Variants in DLG2 observed in about 807,000 individuals in gnomAD.
DLG2 encodes discs large MAGUK scaffold protein 2.
In DLG2, 45 loss-of-function variants were observed where a neutral mutation model predicts 132.5. The ratio of observed to expected loss-of-function variants is 0.34; its 90% confidence interval spans 0.27 to 0.44. The LOEUF (loss-of-function observed/expected upper bound fraction) is 0.44, where lower values mean the gene tolerates loss of function less well. Among genes scored for constraint, DLG2 ranks in the 20% least tolerant of loss-of-function variants. DLG2 has a pLI of 1.00. For missense variants in DLG2, 1,045 were observed against 1,196.9 expected, an observed-to-expected ratio of 0.87 and a Z score of 1.87; for synonymous variants, 424 against 419.6, an observed-to-expected ratio of 1.01 and a Z score of -0.13.
chr11:85,611,091 G>C (rs543020755), intron 2 of DLG2, among the ~76,000 whole-genome samples: 1 of 152,246 alleles, frequency 6.6e-6, no homozygotes, highest in African/African-American at 2.4e-5. Flanking sequence ...GAGACAGCAG[G>C]GATAGCTCTT....
rs910908724 is a variant in DLG2 at position 83,754,464 on chromosome 11, A to C, written c.1825+32226T>G. Among the ~76,000 whole-genome samples, 8 of 151,446 alleles carry C rather than the reference A, an allele frequency of 5.3e-5. 1 individual carries two copies. Among genetic ancestry groups the C allele is most frequent in the African/African-American group, 2.0e-4 (8 of 40,734 alleles). On this transcript the variant is annotated intron_variant, in intron 18 of 27. Transcript: ENST00000376104. Reference sequence around the variant, plus strand: ...CCTATATTTAGGACTCCCATTATGGAGAAGCAGTGCATCATGCTAATTAAA... The same window carrying C: ...CCTATATTTAGGACTCCCATTATGGCGAAGCAGTGCATCATGCTAATTAAA...
rs150191294 is a variant in DLG2, at chr11:85,525,447, A to T, written c.40+73210T>A. Among the ~76,000 whole-genome samples the T allele has an allele frequency of 2.6e-5, 4 of 152,316 alleles. No homozygotes were observed. In the East Asian group the frequency reaches 5.8e-4, roughly 22 times the overall value. ...CTAGCTAGTGTAGTAAAGCATGAAAAAGAAAAATAAAGAATGTAAAGATTT... is the reference window on the plus strand; with the variant it reads ...CTAGCTAGTGTAGTAAAGCATGAAATAGAAAAATAAAGAATGTAAAGATTT... On this transcript the variant is annotated intron_variant, in intron 3 of 27. Coordinates refer to ENST00000376104, the MANE Select transcript of DLG2 (RefSeq NM_001142699.3).
chr11:83,556,562 C>G (rs1225907), intron 19 of DLG2, among the ~76,000 whole-genome samples: 71,799 of 151,698 alleles, frequency 0.47, 17,565 homozygotes, highest in Admixed American at 0.57. Context: ...TGTAGAGATG[C>G]AGTTTTGCCA....
At chr11:85,176,090 C>A (rs1400139368) in intron 4 of DLG2, among the ~76,000 whole-genome samples, 1 of 152,162 alleles carries the variant, frequency 6.6e-6, no homozygotes, top group Non-Finnish European at 1.5e-5. Context: ...TATTGACATT[C>A]TTCACAGAAT....
intron 14 of DLG2, among the ~76,000 whole-genome samples, chr11:83,953,410 C>A (rs184390515): frequency 2.0e-5 from 3 of 152,098 alleles, no homozygotes; most frequent in East Asian, 1.9e-4. Flanking sequence ...ACTGCACATG[C>A]GAAGGATCTA....
At chr11:84,974,449 T>C (rs1249996042) in intron 6 of DLG2, among the ~76,000 whole-genome samples, 1 of 152,198 alleles carries the variant, frequency 6.6e-6, no homozygotes, top group Non-Finnish European at 1.5e-5. Context: ...GCCATAATTA[T>C]AGAGCCTACC....
At chr11:83,717,091 A>T (rs2086876834) in intron 18 of DLG2, among the ~76,000 whole-genome samples, 1 of 152,166 alleles carries the variant, frequency 6.6e-6, no homozygotes, top group Non-Finnish European at 1.5e-5. Context: ...TACTCTACTT[A>T]AACTTCTTCA....
chr11:84,620,788 A>G (rs1294688952), intron 6 of DLG2, among the ~76,000 whole-genome samples: 1 of 152,136 alleles, frequency 6.6e-6, no homozygotes, highest in Non-Finnish European at 1.5e-5. Flanking sequence ...TTAGAAAACA[A>G]TTTGACATGA....
At chr11:85,342,022 T>C (rs1024080087) in intron 3 of DLG2, among the ~76,000 whole-genome samples, 1 of 152,190 alleles carries the variant, frequency 6.6e-6, no homozygotes, top group Non-Finnish European at 1.5e-5. Flanking sequence ...GATGAGTCAA[T>C]GAGTGAGTGG....
chr11:85,030,153 A>T (rs1387392109), intron 6 of DLG2, among the ~76,000 whole-genome samples: 1 of 152,180 alleles, frequency 6.6e-6, no homozygotes, highest in Admixed American at 6.5e-5. Context: ...AATTCAGCTA[A>T]AGTTTTACTT....
rs286037 is a variant in DLG2 at position 85,402,101 on chromosome 11, G to A, written c.41-116736C>T. Among the ~76,000 whole-genome samples, 4 of 152,138 alleles carry A rather than the reference G, an allele frequency of 2.6e-5. No homozygotes were observed. The East Asian group carries it at 7.7e-4, about 29-fold the overall frequency. On this transcript the variant is annotated intron_variant, in intron 3 of 27. Transcript: ENST00000376104. ...ACCTGACTTCAAACTATACTACAAGGCTACAGTAACCAAAACAGCATGGCA... is the reference window on the plus strand; with the variant it reads ...ACCTGACTTCAAACTATACTACAAGACTACAGTAACCAAAACAGCATGGCA...
At chr11:85,130,475 A>C (rs1202960187) in intron 5 of DLG2, among the ~76,000 whole-genome samples, 1 of 152,166 alleles carries the variant, frequency 6.6e-6, no homozygotes, top group Non-Finnish European at 1.5e-5. Flanking sequence ...CAAAAATGCT[A>C]TTACCAATGG....
At chr11:84,578,608 C>G (rs2099508980) in intron 6 of DLG2, among the ~76,000 whole-genome samples, 1 of 152,176 alleles carries the variant, frequency 6.6e-6, no homozygotes, top group Non-Finnish European at 1.5e-5. Context: ...TACCCAATAC[C>G]TGCACTGCCA....
chr11:85,375,289 A>G (rs1217333019), intron 3 of DLG2, among the ~76,000 whole-genome samples: 2 of 152,198 alleles, frequency 1.3e-5, no homozygotes, highest in Non-Finnish European at 2.9e-5. Context: ...ACTATGTTGA[A>G]AACTTTTGAA....
intron 5 of DLG2, among the ~76,000 whole-genome samples, chr11:85,118,795 A>G (rs1230398415): frequency 6.6e-6 from 1 of 152,000 alleles, no homozygotes; most frequent in Non-Finnish European, 1.5e-5. Flanking sequence ...CTTTGGATAA[A>G]TTTCTTAATC....
intron 3 of DLG2, among the ~76,000 whole-genome samples, chr11:85,586,737 G>C (rs2078997102): frequency 6.6e-6 from 1 of 151,910 alleles, no homozygotes; most frequent in Non-Finnish European, 1.5e-5. Flanking sequence ...TTTTCTGTTA[G>C]GTTTGGGTTG....
intron 10 of DLG2, among the ~76,000 whole-genome samples, chr11:84,062,721 G>C (rs1481256100): frequency 7.3e-6 from 1 of 136,964 alleles, no homozygotes; most frequent in African/African-American, 2.7e-5. Flanking sequence ...CAGACACTCA[G>C]AGTTGATTGT....
chr11:83,520,227 T>A (rs1046717420), intron 21 of DLG2, among the ~76,000 whole-genome samples: 9 of 152,224 alleles, frequency 5.9e-5, no homozygotes, highest in Admixed American at 1.3e-4. Context: ...CAAGTGCTTG[T>A]AATAAATTTG....
intron 3 of DLG2, among the ~76,000 whole-genome samples, chr11:85,299,983 A>C (rs1011761799): frequency 6.6e-5 from 10 of 152,238 alleles, no homozygotes; most frequent in Admixed American, 1.3e-4. Context: ...AGAATGCCTC[A>C]TATTATATGG....
Sources: gnomAD v4.1 joint callset for allele counts (sites outside exome capture counted in the v4.1 genomes callset) on GRCh38, gnomAD v4.1.1 for gene constraint, MANE v1.5 for transcripts, NCBI Gene and HGNC (gene_info 2026-07-23, HGNC 2026-07-21) for gene names.